The following ARHGAP22 variants were observed in gnomAD, a reference collection of about 807,000 sequenced individuals.
The protein encoded by ARHGAP22 is rho GTPase-activating protein 22.
A neutral mutation model predicts 59.1 loss-of-function variants in ARHGAP22; 48 were observed. The ratio of observed to expected loss-of-function variants is 0.81; its 90% CI spans 0.64 to 1.03. ARHGAP22 has a LOEUF of 1.03. ARHGAP22 is among the 50% of genes least tolerant of loss of function. The pLI, the probability that ARHGAP22 is intolerant of heterozygous loss-of-function variation, is 0.00. For missense variants in ARHGAP22, 1,015 were observed against 958.7 expected (o/e 1.06, Z -0.78); for synonymous variants, 445 against 416.4 (o/e 1.07, Z -0.84).
At chr10:48,500,819 A>G (rs1287522486) in intron 3 of ARHGAP22, among the ~76,000 whole-genome samples, 2 of 150,280 alleles carry the variant, frequency 1.3e-5, no homozygotes, top group African/African-American at 2.4e-5. Context: ...TGAACTCAGG[A>G]GGTGGAGGTT....
intron 1 of ARHGAP22, among the ~76,000 whole-genome samples, chr10:48,602,324 C>T (rs1348164385): frequency 6.6e-6 from 1 of 152,114 alleles, no homozygotes; most frequent in Non-Finnish European, 1.5e-5. Flanking sequence ...TATAACTTGG[C>T]CCATCAGTCT....
chr10:48,633,958 G>C (rs941658550), intron 1 of ARHGAP22, among the ~76,000 whole-genome samples: 1 of 152,182 alleles, frequency 6.6e-6, no homozygotes, highest in East Asian at 1.9e-4. Context: ...TTGACACCAT[G>C]GGCATCTATG....
chr10:48,590,138 A>T (rs1201101622), intron 1 of ARHGAP22, among the ~76,000 whole-genome samples: 3 of 152,018 alleles, frequency 2.0e-5, no homozygotes, highest in Non-Finnish European at 4.4e-5. Context: ...TAGGGGTGAC[A>T]GGAGGGGGAG....
At chr10:48,434,911 A>C in the ARHGAP22 span, 9 of 1,613,664 alleles carry the variant, frequency 5.6e-6, no homozygotes, top group Admixed American at 1.7e-5. Flanking sequence ...GGCTCTCAGC[A>C]TCCATCATCA....
intron 4 of ARHGAP22, among the ~76,000 whole-genome samples, chr10:48,473,000 C>A (rs946060508): frequency 1.3e-5 from 2 of 152,142 alleles, no homozygotes; most frequent in Admixed American, 1.3e-4. Context: ...TGGGTATATA[C>A]CCCAAATAAT....
upstream of ARHGAP22, among the ~76,000 whole-genome samples, chr10:48,654,288 G>A (rs762153268): frequency 5.9e-5 from 9 of 152,160 alleles, no homozygotes; most frequent in African/African-American, 1.2e-4. Context: ...ACACCAGCTC[G>A]CTTCAGGAAC....
intron 3 of ARHGAP22, among the ~76,000 whole-genome samples, chr10:48,537,917 C>G (rs913232059): frequency 6.6e-6 from 1 of 152,228 alleles, no homozygotes; most frequent in Non-Finnish European, 1.5e-5. Context: ...CTTCCGGCCC[C>G]TGAGAGTGTG....
chr10:48,577,192 T>G (rs183124008), intron 2 of ARHGAP22, among the ~76,000 whole-genome samples: 2 of 152,334 alleles, frequency 1.3e-5, no homozygotes, highest in Admixed American at 6.5e-5. Context: ...TATTTCTGAC[T>G]TCTGGGGATC....
At chr10:48,576,167 G>C (rs2058701004) in intron 2 of ARHGAP22, among the ~76,000 whole-genome samples, 1 of 152,166 alleles carries the variant, frequency 6.6e-6, no homozygotes, top group South Asian at 2.1e-4. Context: ...GCTCCCCACT[G>C]GGTGTGGACT....
Position 48,582,988 on chromosome 10 carries a change from A to G in ARHGAP22, c.199T>C (p.Phe67Leu). The G allele has an allele frequency of 1.9e-6, 3 of 1,614,228 alleles. No homozygotes were observed. The highest frequency in any genetic ancestry group is 1.6e-4 in the Middle Eastern group (1 of 6,062). ...RWFVLRGDQL[F>L]YYKDKDEIKP... Reference sequence around the variant, plus strand: ...ATCTCATCTTTGTCCTTGTAGTAGAAAAGCTGATCCCCACGCAGCACAAAC... The same window carrying G: ...ATCTCATCTTTGTCCTTGTAGTAGAGAAGCTGATCCCCACGCAGCACAAAC... Residue 67 changes from phenylalanine to leucine, a missense_variant, in exon 2 of 10, where the codon TTC becomes CTC. Coordinates refer to ENST00000249601, the MANE Select transcript of ARHGAP22 (RefSeq NM_021226.4).
intron 3 of ARHGAP22, among the ~76,000 whole-genome samples, chr10:48,547,543 G>C (rs981922517): frequency 6.6e-6 from 1 of 152,180 alleles, no homozygotes; most frequent in East Asian, 1.9e-4. Context: ...GAGAAATATG[G>C]GGCTCCCAGC....
At chr10:48,439,327 TAAA>T in the ARHGAP22 span, 2 of 150,158 alleles carry the variant, frequency 1.3e-5, no homozygotes, top group Admixed American at 6.7e-5. Flanking sequence ...ATATTTTAAA[TAAA>T]AAAGAAAAAA....
At chr10:48,583,794 G>C (rs1022855894) in intron 1 of ARHGAP22, among the ~76,000 whole-genome samples, 1 of 152,118 alleles carries the variant, frequency 6.6e-6, no homozygotes, top group Admixed American at 6.5e-5. Context: ...CCCACAGCGG[G>C]GCTTCTTCTT....
Position 48,450,342 on chromosome 10 carries a change from G to C in ARHGAP22, c.1787C>G (p.Ser596Cys), listed in dbSNP as rs768945935. Reference protein sequence around the residue: ...DSPTREHARRSEALQGLVTEL... With the variant: ...DSPTREHARRCEALQGLVTEL... ...AGTGACCAGCCCCTGTAAGGCCTCG[G>C]AGCGGCGCGCGTGTTCCCGGGTGGG... The change falls in exon 9 of 10, where the codon TCC becomes TGC. Residue 596 changes from serine to cysteine, a missense_variant. Ser to Cys is a moderately radical substitution (Grantham distance 112). Coordinates refer to ENST00000249601, the MANE Select transcript of ARHGAP22 (RefSeq NM_021226.4). 1 of 1,596,758 alleles carries C rather than the reference G, an allele frequency of 6.3e-7. No homozygotes were observed. Among genetic ancestry groups the C allele is most frequent in the African/African-American group, 1.3e-5 (1 of 74,580 alleles).
At chr10:48,498,072 C>G (rs776766027) in intron 3 of ARHGAP22, among the ~76,000 whole-genome samples, 1 of 152,154 alleles carries the variant, frequency 6.6e-6, no homozygotes, top group Non-Finnish European at 1.5e-5. Context: ...TGCCTCGGGC[C>G]GGTCCCCAAC....
At chr10:48,565,244 C>G (rs920573886) in intron 2 of ARHGAP22, among the ~76,000 whole-genome samples, 1 of 152,174 alleles carries the variant, frequency 6.6e-6, no homozygotes, top group South Asian at 2.1e-4. Flanking sequence ...GTAGTGGCAT[C>G]TCCCTCACAG....
intron 3 of ARHGAP22, among the ~76,000 whole-genome samples, chr10:48,554,409 T>G (rs966104064): frequency 6.6e-6 from 1 of 152,160 alleles, no homozygotes; most frequent in Non-Finnish European, 1.5e-5. Context: ...GATTTACTGG[T>G]TCACTGGGCC....
intron 3 of ARHGAP22, among the ~76,000 whole-genome samples, chr10:48,482,325 A>T (rs1259383711): frequency 1.3e-5 from 2 of 152,242 alleles, no homozygotes; most frequent in Admixed American, 6.5e-5. Context: ...TGCACATTCC[A>T]GCCCCACTTG....
chr10:48,528,243 C>T (rs1471402185), intron 3 of ARHGAP22, among the ~76,000 whole-genome samples: 2 of 152,150 alleles, frequency 1.3e-5, no homozygotes, highest in Non-Finnish European at 2.9e-5. Flanking sequence ...TGGATTGCTC[C>T]TCCCCAGAAT....
Sources: gnomAD v4.1 joint callset for allele counts (sites outside exome capture counted in the v4.1 genomes callset) on GRCh38, gnomAD v4.1.1 for gene constraint, MANE v1.5 for transcripts, NCBI Gene and HGNC (gene_info 2026-07-23, HGNC 2026-07-21) for gene names.